Variants in SLC9B2 observed in about 807,000 individuals in gnomAD.
The protein encoded by SLC9B2 is solute carrier family 9 member B2.
SLC9B2 carries 39 observed loss-of-function variants against 52.2 expected under a neutral mutation model. The ratio of observed to expected loss-of-function variants is 0.75; its 90% CI spans 0.58 to 0.98. The LOEUF is 0.98. SLC9B2 is among the 50% of genes least tolerant of loss of function. The pLI, the probability that SLC9B2 is intolerant of heterozygous loss-of-function variation, is 0.00. For missense variants in SLC9B2, 626 were observed against 637.5 expected (o/e 0.98, Z 0.19); for synonymous variants, 214 against 227.0 (o/e 0.94, Z 0.51).
At position 103,045,634 on chromosome 4, in the gene SLC9B2, G is replaced by C. The variant is rs558011933; in HGVS notation, c.890-638C>G. On this transcript the variant is annotated intron_variant, in intron 7 of 11. Coordinates refer to ENST00000394785, the MANE Select transcript of SLC9B2 (RefSeq NM_178833.7). ...GTAGTTGGTGGGGGGGTGGGGCGGG[G>C]AGAGGAAACACAGCAGAGTCAACTA... Among the ~76,000 whole-genome samples, 4 of 152,160 alleles carry C rather than the reference G, an allele frequency of 2.6e-5. No homozygotes were observed. In the East Asian group the frequency reaches 7.7e-4, roughly 29 times the overall value.
At chr4:103,055,584 A>G (rs1240490488) in intron 4 of SLC9B2, among the ~76,000 whole-genome samples, 1 of 152,142 alleles carries the variant, frequency 6.6e-6, no homozygotes, top group Non-Finnish European at 1.5e-5. Flanking sequence ...ACTACTGACC[A>G]CAAGTTCAAA....
chr4:103,047,006 C>T (rs1329382289), intron 7 of SLC9B2, 45 bp downstream of exon 7: 3 of 1,582,116 alleles, frequency 1.9e-6, no homozygotes, highest in Non-Finnish European at 2.6e-6. Flanking sequence ...TAACCTACGT[C>T]CCTAGAATGC....
intron 7 of SLC9B2, 139 bp downstream of exon 7, chr4:103,046,912 G>A (rs1453446861): frequency 1.4e-5 from 14 of 980,644 alleles, no homozygotes; most frequent in Non-Finnish European, 2.1e-5. Flanking sequence ...ACCCTCCTTA[G>A]GTACAGAACT....
At chr4:103,030,908 T>A (rs1484443687) in intron 10 of SLC9B2, among the ~76,000 whole-genome samples, 1 of 152,126 alleles carries the variant, frequency 6.6e-6, no homozygotes, top group Non-Finnish European at 1.5e-5. Context: ...ATACCTCATG[T>A]AAGTGGAATC....
chr4:103,045,619 G>C (rs1052408804), intron 7 of SLC9B2, among the ~76,000 whole-genome samples: 4 of 152,004 alleles, frequency 2.6e-5, no homozygotes, highest in Non-Finnish European at 5.9e-5. Context: ...GTAGTTGGTG[G>C]GGGGGTGGGG....
chr4:103,060,546 T>C (rs1024286689), intron 3 of SLC9B2, among the ~76,000 whole-genome samples: 6 of 151,054 alleles, frequency 4.0e-5, no homozygotes, highest in Admixed American at 2.6e-4. Flanking sequence ...TGTTTGTTTT[T>C]TTTTTTTTTT....
rs75361109 is a variant in SLC9B2 at position 103,067,711 on chromosome 4, G to A, written c.-42-119C>T. 4,039 of 607,530 alleles carry A rather than the reference G, an allele frequency of 6.6e-3. 94 individuals are homozygous for A. The highest frequency in any genetic ancestry group is 0.054 in the African/African-American group (2,915 of 53,812). The allele number at this position is 607,530 out of a possible 1,614,324, so 37.6% of individuals were successfully genotyped here. A position where few individuals can be genotyped will look rare whatever the true frequency, so the allele number is the denominator to read the frequency against. On this transcript the variant is annotated intron_variant, in intron 1 of 11. Transcript: ENST00000394785. ...CGAATGGCTAAACTATTTGAAATTA[G>A]ACTATTCTTAATTTTCAATGGCTGG...
intron 3 of SLC9B2, among the ~76,000 whole-genome samples, chr4:103,060,082 G>A (rs1015052038): frequency 6.6e-6 from 1 of 151,458 alleles, no homozygotes; most frequent in African/African-American, 2.4e-5. Flanking sequence ...AGTATGATGT[G>A]TTTAGGTGTG....
intron 4 of SLC9B2, among the ~76,000 whole-genome samples, chr4:103,055,094 T>C (rs1043963497): frequency 1.3e-5 from 2 of 152,158 alleles, no homozygotes; most frequent in East Asian, 1.9e-4. Context: ...TACAGGGACA[T>C]GGATGAAGCT....
intron 10 of SLC9B2, among the ~76,000 whole-genome samples, 158 bp from the exon 11 acceptor site, chr4:103,029,041 A>G (rs1045509374): frequency 6.6e-6 from 1 of 152,204 alleles, no homozygotes; most frequent in Non-Finnish European, 1.5e-5. Context: ...AAAACAATCA[A>G]TATTAAGGAT....
chr4:103,067,713 C>A (rs757745375), intron 1 of SLC9B2, 121 bp from the exon 2 acceptor site: 2 of 603,088 alleles, frequency 3.3e-6, no homozygotes, highest in Non-Finnish European at 2.9e-6. Context: ...TGAAATTAGA[C>A]TATTCTTAAT....
chr4:103,026,179 G>T lies in SLC9B2; in HGVS notation c.*191C>A. The T allele has an allele frequency of 2.0e-6, 1 of 504,590 alleles. No individual in the cohort carries two copies. Among genetic ancestry groups the T allele is most frequent in the Non-Finnish European group, 3.5e-6 (1 of 287,822 alleles). The allele number at this position is 504,590 out of a possible 1,614,324, so 31.3% of individuals were successfully genotyped here. A position where few individuals can be genotyped will look rare whatever the true frequency, so the allele number is the denominator to read the frequency against. Reference sequence around the variant, plus strand: ...AGGGGTGTTTGAAAAAAAAGGCAGAGAGATTAAGGTTGGTGATATAGATCA... The same window carrying T: ...AGGGGTGTTTGAAAAAAAAGGCAGATAGATTAAGGTTGGTGATATAGATCA... On this transcript the variant is annotated 3_prime_UTR_variant, in exon 12 of 12. Transcript: ENST00000394785.
chr4:103,058,903 T>C (rs1460842501), intron 3 of SLC9B2, among the ~76,000 whole-genome samples: 2 of 152,038 alleles, frequency 1.3e-5, no homozygotes, highest in South Asian at 2.1e-4. Flanking sequence ...CTCTACTAAA[T>C]ATAAAATATA....
At chr4:103,041,375 A>T (rs7694724) in intron 9 of SLC9B2, among the ~76,000 whole-genome samples, 1 of 151,940 alleles carries the variant, frequency 6.6e-6, no homozygotes, top group Non-Finnish European at 1.5e-5. Flanking sequence ...ACATAGCAGG[A>T]CTACAGGAAA....
chr4:103,021,197 C>A (rs141291262), downstream of SLC9B2, among the ~76,000 whole-genome samples: 8 of 152,280 alleles, frequency 5.3e-5, no homozygotes, highest in Non-Finnish European at 1.2e-4. Context: ...TACTCTTATG[C>A]TCTAGAAGGA....
At chr4:103,067,257 C>T (rs1746217674) in intron 2 of SLC9B2, among the ~76,000 whole-genome samples, 1 of 152,066 alleles carries the variant, frequency 6.6e-6, no homozygotes, top group Non-Finnish European at 1.5e-5. Context: ...AAACCAAAAC[C>T]ATTCTAGAGA....
At chr4:103,053,295 A>T (rs1041142194) in intron 4 of SLC9B2, among the ~76,000 whole-genome samples, 3 of 152,230 alleles carry the variant, frequency 2.0e-5, no homozygotes, top group Admixed American at 6.5e-5. Context: ...TGTCTTAATA[A>T]GTTTCCTTTA....
intron 7 of SLC9B2, 138 bp downstream of exon 7, chr4:103,046,913 G>T (rs931468308): frequency 8.1e-6 from 8 of 992,622 alleles, no homozygotes; most frequent in Non-Finnish European, 1.0e-5. Context: ...CCCTCCTTAG[G>T]TACAGAACTC....
intron 6 of SLC9B2, 143 bp from the exon 7 acceptor site, chr4:103,047,369 T>C (rs188292253): frequency 2.7e-6 from 2 of 750,640 alleles, no homozygotes; most frequent in Admixed American, 3.2e-5. Context: ...AAACAAACTT[T>C]AATAAGAATT....
Sources: allele counts gnomAD v4.1 joint callset (sites outside exome capture counted in the v4.1 genomes callset), GRCh38; gene constraint gnomAD v4.1.1; transcripts MANE v1.5; gene names NCBI Gene and HGNC (gene_info 2026-07-23, HGNC 2026-07-21).